Variants in FAM228B observed in about 807,000 individuals in gnomAD.
FAM228B encodes the protein family with sequence similarity 228 member B.
FAM228B carries 38 observed loss-of-function variants against 42.6 expected under a neutral mutation model. The ratio of observed to expected loss-of-function variants is 0.89; its 90% CI spans 0.69 to 1.17. FAM228B has a LOEUF of 1.17. Ranked by LOEUF, FAM228B falls within the 50% of genes most tolerant of loss-of-function variation. The pLI, the probability that FAM228B is intolerant of heterozygous loss-of-function variation, is 0.00. For synonymous variants in FAM228B, 109 were observed against 122.3 expected (o/e 0.89, Z 0.72); for missense variants, 344 against 367.3 (o/e 0.94, Z 0.52).
chr2:24,119,535 C>G, upstream of FAM228B: 1 of 1,455,650 alleles, frequency 6.9e-7, no homozygotes, highest in Non-Finnish European at 9.6e-7. Flanking sequence ...GAAGACCCAA[C>G]TAACATAGGG....
At chr2:24,161,986 C>A (rs1667297765) in intron 8 of FAM228B, among the ~76,000 whole-genome samples, 1 of 152,176 alleles carries the variant, frequency 6.6e-6, no homozygotes, top group South Asian at 2.1e-4. Flanking sequence ...ATAATCCCAG[C>A]TATCTGGAAG....
rs1664801226 is a variant in FAM228B at position 24,077,495 on chromosome 2, T to C, written c.-290+526T>C. On this transcript the variant is annotated intron_variant, in intron 1 of 10. Coordinates refer to the FAM228B transcript ENST00000613899. This position sits in a 1 kb window ranked among gnomAD's most constrained non-coding sequence, Gnocchi z 5.5. ...ACGGCTCTGGAGGAAGCACCGGGTT[T>C]CTTGGCCTGTCTATTGTGAATCTTC... 6.9e-7 allele frequency: 1 copy of C among 1,439,780 alleles called. No homozygotes were observed. The highest frequency in any genetic ancestry group is 1.4e-5 in the African/African-American group (1 of 69,870). 89.2% of individuals were successfully genotyped at this position (1,439,780 alleles called of 1,614,324 possible). A position where few individuals can be genotyped will look rare whatever the true frequency, so the allele number is the denominator to read the frequency against.
At position 24,162,112 on chromosome 2, in the gene FAM228B, CAAAA is replaced by C. The variant is rs948661746; in HGVS notation, c.794+503_794+506del. 4.4e-4 allele frequency among the ~76,000 whole-genome samples: 67 copies of C among 151,596 alleles called. 1 individual carries two copies. The highest frequency in any genetic ancestry group is 1.5e-3 in the African/African-American group (64 of 41,316). Reference sequence around the variant, plus strand: ...AGACTCTGTCTCAAAAACAAACAAACAAAAAAACCAAACAGCAACAACAAAACAA... The same window carrying C: ...AGACTCTGTCTCAAAAACAAACAAACAAACCAAACAGCAACAACAAAACAA... On this transcript the variant is annotated intron_variant, in intron 8 of 10. Transcript: ENST00000615575.
At chr2:24,129,306 CTTTT>C (rs57641483) in intron 2 of FAM228B, among the ~76,000 whole-genome samples, 1 of 139,432 alleles carries the variant, frequency 7.2e-6, no homozygotes. Flanking sequence ...TCTATTTTAT[CTTTT>C]TTTTTTTTTT....
intron 7 of FAM228B, among the ~76,000 whole-genome samples, chr2:24,152,733 G>T (rs1347859858): frequency 6.6e-6 from 1 of 152,302 alleles, no homozygotes; most frequent in African/African-American, 2.4e-5. Context: ...ACCTGAAGAC[G>T]TCTAGTATAG....
At chr2:24,109,774 CA>C (rs1558373592) in intron 3 of FAM228B, among the ~76,000 whole-genome samples, 1 of 152,144 alleles carries the variant, frequency 6.6e-6, no homozygotes, top group South Asian at 2.1e-4. Context: ...ATTAAAAAGT[CA>C]AAAAATAATA....
chr2:24,143,465 A>AT (rs941382094), intron 5 of FAM228B, among the ~76,000 whole-genome samples: 1 of 152,206 alleles, frequency 6.6e-6, no homozygotes, highest in African/African-American at 2.4e-5. Flanking sequence ...AAATGCTGGG[A>AT]TTACAGGCAT....
At chr2:24,109,558 T>A (rs2150999067) in intron 3 of FAM228B, among the ~76,000 whole-genome samples, 1 of 152,320 alleles carries the variant, frequency 6.6e-6, no homozygotes, top group Middle Eastern at 3.4e-3. Flanking sequence ...AAAGGTCTAA[T>A]ATCCAGAATC....
intron 3 of FAM228B, 141 bp downstream of exon 3, chr2:24,135,328 C>G: frequency 1.8e-6 from 1 of 550,774 alleles, no homozygotes; most frequent in South Asian, 2.6e-5. Flanking sequence ...TGGAATTAAC[C>G]TTAAGGGATC....
In FAM228B at chr2:24,082,722, C is replaced by G. The variant is rs147689912; in HGVS notation, c.-210+1767C>G. On this transcript the variant is annotated intron_variant, in intron 2 of 10. Transcript: ENST00000613899. ...GACCCTCTATCTGCTAACCATGATT[C>G]TCAGCCTCAACATTAAACCCTTCTA... 2.5e-3 allele frequency among the ~76,000 whole-genome samples: 380 copies of G among 152,290 alleles called. 2 individuals carry two copies. Among genetic ancestry groups the G allele is most frequent in the Non-Finnish European group, 3.8e-3 (259 of 68,034 alleles).
chr2:24,113,883 AAAC>A (rs375886257), intron 3 of FAM228B, among the ~76,000 whole-genome samples: 2 of 152,152 alleles, frequency 1.3e-5, no homozygotes, highest in African/African-American at 2.4e-5. Context: ...GTCTCAAAAC[AAAC>A]AACAACAACA....
At chr2:24,157,400 A>G (rs567961559) in intron 7 of FAM228B, among the ~76,000 whole-genome samples, 2 of 152,170 alleles carry the variant, frequency 1.3e-5, no homozygotes, top group Non-Finnish European at 2.9e-5. Context: ...TTATAGCAGT[A>G]TTTTTCAGCT....
rs554880806 is a variant in FAM228B at position 24,167,415 on chromosome 2, A to AAGTC, written c.933-212_933-211insAGTC. Among the ~76,000 whole-genome samples, 781 of 152,334 alleles carry AAGTC rather than the reference A, an allele frequency of 5.1e-3. 4 individuals are homozygous for AAGTC. The highest frequency in any genetic ancestry group is 0.01 in the Middle Eastern group (3 of 294). On this transcript the variant is annotated intron_variant, in intron 9 of 10. Transcript: ENST00000615575. ...GGCTGATTCCATTGCAATCATTATAATACCGGAGGAGGATTTGTAGGGTGT... is the reference window on the plus strand; with the variant it reads ...GGCTGATTCCATTGCAATCATTATAAAGTCTACCGGAGGAGGATTTGTAGGGTGT...
chr2:24,120,283 CAACAA>C (rs558516591), upstream of FAM228B, among the ~76,000 whole-genome samples: 36 of 150,952 alleles, frequency 2.4e-4, no homozygotes, highest in South Asian at 1.3e-3. Flanking sequence ...AAAAAAACAA[CAACAA>C]AACAAAACAA....
chr2:24,089,760 A>T (rs1223786478), intron 2 of FAM228B, among the ~76,000 whole-genome samples: 1 of 152,140 alleles, frequency 6.6e-6, no homozygotes, highest in Non-Finnish European at 1.5e-5. Flanking sequence ...GGGATAGTTT[A>T]TTTTTGCAGC....
chr2:24,144,949 C>T (rs1291000589), intron 5 of FAM228B, among the ~76,000 whole-genome samples: 1 of 152,202 alleles, frequency 6.6e-6, no homozygotes, highest in Non-Finnish European at 1.5e-5. Context: ...CAGCTGGCAA[C>T]CTCCTGCACG....
At chr2:24,097,451 C>CAAAAAAAAAA (rs142500481) in intron 3 of FAM228B, 1 of 70,376 alleles carries the variant, frequency 1.4e-5, no homozygotes, top group Non-Finnish European at 2.7e-5. Flanking sequence ...AAATGGAAAG[C>CAAAAAAAAAA]AAAAAAAAAA....
At chr2:24,127,473 T>C (rs1023197344) in intron 2 of FAM228B, among the ~76,000 whole-genome samples, 4 of 152,170 alleles carry the variant, frequency 2.6e-5, no homozygotes, top group Admixed American at 2.6e-4. Context: ...TGGAATTGTT[T>C]GTTGGGTCAT....
At chr2:24,109,668 CA>C (rs1387075915) in intron 3 of FAM228B, among the ~76,000 whole-genome samples, 2 of 152,070 alleles carry the variant, frequency 1.3e-5, no homozygotes, top group African/African-American at 2.4e-5. Flanking sequence ...TATATGCAGC[CA>C]AAAAGCATAT....
Sources: gnomAD v4.1 joint callset for allele counts (sites outside exome capture counted in the v4.1 genomes callset) on GRCh38, gnomAD v4.1.1 for gene constraint, Gnocchi (gnomAD v3.1) non-coding constraint, MANE v1.5 for transcripts, NCBI Gene and HGNC (gene_info 2026-07-23, HGNC 2026-07-21) for gene names.